ERV3-1: variants seen among roughly 807,000 people sequenced by gnomAD.
The protein encoded by ERV3-1 is endogenous retrovirus group 3 member 1 Env polyprotein.
Under a neutral mutation model 24.6 loss-of-function variants are expected in ERV3-1, and 36 were observed. The observed-to-expected ratio is 1.47, with a 90% CI of 1.12 to 1.94. The LOEUF (loss-of-function observed/expected upper bound fraction) is 1.94. Among genes scored for constraint, ERV3-1 ranks in the 30% most tolerant of loss-of-function variants. ERV3-1 has a pLI of 0.00. For synonymous variants in ERV3-1, 211 were observed against 122.6 expected, an observed-to-expected ratio of 1.72 and a Z score of -4.76; for missense variants, 578 against 330.9, an observed-to-expected ratio of 1.75 and a Z score of -5.79.
chr7:64,997,425 G>C (rs1584065616), intron 1 of ERV3-1, among the ~76,000 whole-genome samples: 1 of 152,182 alleles, frequency 6.6e-6, no homozygotes, highest in Admixed American at 6.5e-5. Context: ...TGTAAAGCTA[G>C]AATGCTTTAC....
intron 1 of ERV3-1, among the ~76,000 whole-genome samples, chr7:65,005,556 T>A (rs747472854): frequency 6.6e-6 from 1 of 152,112 alleles, no homozygotes; most frequent in Non-Finnish European, 1.5e-5. Flanking sequence ...TACACTAAAG[T>A]GTACATTAAA....
chr7:64,998,057 C>G (rs181606901), intron 1 of ERV3-1, among the ~76,000 whole-genome samples: 1 of 152,124 alleles, frequency 6.6e-6, no homozygotes, highest in Non-Finnish European at 1.5e-5. Context: ...CTCAGATTTC[C>G]CCCTTTGAGG....
chr7:64,994,495 C>A (rs1056990579), intron 1 of ERV3-1, among the ~76,000 whole-genome samples: 4 of 152,174 alleles, frequency 2.6e-5, no homozygotes, highest in Admixed American at 2.6e-4. Flanking sequence ...GCTAAGGCTT[C>A]CTTTTTAAAA....
rs187615174 is a variant in ERV3-1, at chr7:64,993,095, A to T, written c.-69T>A. Reference sequence around the variant, plus strand: ...TGACAGCTTAATAGCAAAGTAATTAATATGACAAGGAAAATTACTGGACTT... The same window carrying T: ...TGACAGCTTAATAGCAAAGTAATTATTATGACAAGGAAAATTACTGGACTT... On this transcript the variant is annotated 5_prime_UTR_variant, in exon 2 of 2. Transcript: ENST00000394323. 2.4e-5 allele frequency: 15 copies of T among 628,364 alleles called. No individual in the cohort carries two copies. The highest frequency in any genetic ancestry group is 4.0e-5 in the Non-Finnish European group (14 of 351,530). 38.9% of individuals were successfully genotyped at this position (628,364 alleles called of 1,614,324 possible).
At chr7:64,993,884 T>A (rs1335227480) in intron 1 of ERV3-1, among the ~76,000 whole-genome samples, 1 of 152,222 alleles carries the variant, frequency 6.6e-6, no homozygotes, top group African/African-American at 2.4e-5. Flanking sequence ...ATTTCCATTT[T>A]ATTTTTAACA....
chr7:65,005,428 G>A (rs1162940060), intron 1 of ERV3-1, among the ~76,000 whole-genome samples: 8 of 152,052 alleles, frequency 5.3e-5, no homozygotes, highest in Non-Finnish European at 2.9e-5. Context: ...CAGTGTCAGG[G>A]GATTATTCTT....
At chr7:65,002,479 A>ATGT (rs1226418643) in intron 1 of ERV3-1, among the ~76,000 whole-genome samples, 1 of 145,050 alleles carries the variant, frequency 6.9e-6, no homozygotes, top group African/African-American at 2.5e-5. Context: ...ACATGCAACC[A>ATGT]TGCCTGGCTA....
In ERV3-1 at chr7:64,991,330, C is replaced by T; in HGVS notation, c.1697G>A (p.Gly566Glu). 1 of 706,450 alleles carries T rather than the reference C, an allele frequency of 1.4e-6. No individual in the cohort carries two copies. The highest frequency in any genetic ancestry group is 1.5e-5 in the South Asian group (1 of 67,776). 43.8% of individuals were successfully genotyped at this position (706,450 alleles called of 1,614,324 possible). A position where few individuals can be genotyped will look rare whatever the true frequency, so the allele number is the denominator to read the frequency against. Residue 566 changes from glycine (G) to glutamate (E), a missense_variant, in exon 2 of 2, where the codon GGA (glycine) becomes GAA (glutamate). Physicochemically the swap from Gly to Glu is moderately conservative, Grantham distance 98. Transcript: ENST00000394323. ...YLLAQEEGVC[G>E]KFNLTNCCLE... Reference sequence around the variant, plus strand: ...GCAGCAGTTAGTAAGGTTGAACTTTCCGCATACTCCCTCTTCCTGGGCTAG... The same window carrying T: ...GCAGCAGTTAGTAAGGTTGAACTTTTCGCATACTCCCTCTTCCTGGGCTAG...
intron 1 of ERV3-1, among the ~76,000 whole-genome samples, chr7:65,000,383 T>C (rs1259727931): frequency 7.6e-6 from 1 of 131,644 alleles, no homozygotes; most frequent in African/African-American, 2.9e-5. Context: ...CCACCACGCC[T>C]GGCTAATTTT....
At chr7:64,994,557 C>T (rs1786360233) in intron 1 of ERV3-1, among the ~76,000 whole-genome samples, 1 of 152,178 alleles carries the variant, frequency 6.6e-6, no homozygotes, top group Non-Finnish European at 1.5e-5. Flanking sequence ...CTTTCTGTTT[C>T]CTTTTGCCTC....
At chr7:65,003,253 C>T (rs554213453) in intron 1 of ERV3-1, among the ~76,000 whole-genome samples, 3 of 152,256 alleles carry the variant, frequency 2.0e-5, no homozygotes, top group Non-Finnish European at 4.4e-5. Flanking sequence ...TTTTGGGAGA[C>T]CAAGGATCAC....
chr7:65,006,321 C>A (rs1440163594), intron 1 of ERV3-1: 3 of 713,834 alleles, frequency 4.2e-6, no homozygotes, highest in Non-Finnish European at 7.0e-6. Context: ...AAGGCACAGT[C>A]ACTGCGCAGG....
At position 64,991,005 on chromosome 7, in the gene ERV3-1, C is replaced by A; in HGVS notation, c.*207G>T. 1 of 415,764 alleles carries A rather than the reference C, an allele frequency of 2.4e-6. No individual in the cohort carries two copies. The highest frequency in any genetic ancestry group is 3.5e-5 in the East Asian group (1 of 28,824). 25.8% of individuals were successfully genotyped at this position (415,764 alleles called of 1,614,324 possible). On this transcript the variant is annotated 3_prime_UTR_variant, in exon 2 of 2. Transcript: ENST00000394323. ...CAAGAGGAAGTAGCTCTTTTCTTGGCAGGGGTTAATACTTAGTTAGGGCCA... is the reference window on the plus strand; with the variant it reads ...CAAGAGGAAGTAGCTCTTTTCTTGGAAGGGGTTAATACTTAGTTAGGGCCA...
rs1786269420 is a variant in ERV3-1, at chr7:64,991,676, G to A, written c.1351C>T (p.Leu451=). ...TATCCTAAGGCTTCTCCCTGTTTTA[G>A]GGGCATTAGGAAGAAGGACGGCCTA... ...TIRPSFFLMP[L]KQGEALGYPI... is the part of the protein sequence containing the mutation. Residue 451 remains leucine, a synonymous_variant, in exon 2 of 2, where the codon CTA becomes TTA. Transcript: ENST00000394323. The A allele has an allele frequency of 2.8e-6, 2 of 725,942 alleles. No homozygotes were observed. Among genetic ancestry groups the A allele is most frequent in the Non-Finnish European group, 5.0e-6 (2 of 397,048 alleles). The allele number at this position is 725,942 out of a possible 1,614,324, so 45.0% of individuals were successfully genotyped here.
chr7:64,993,594 A>G (rs1200616345), intron 1 of ERV3-1, among the ~76,000 whole-genome samples, 180 bp from the exon 2 acceptor site: 1 of 152,188 alleles, frequency 6.6e-6, no homozygotes, highest in African/African-American at 2.4e-5. Flanking sequence ...TCACATGGCT[A>G]TCCCTAAAGC....
rs934214951 is a variant in ERV3-1 at position 64,991,604 on chromosome 7, T to C, written c.1423A>G (p.Ile475Val). 1.4e-6 allele frequency: 1 copy of C among 704,194 alleles called. No individual in the cohort carries two copies. The highest frequency in any genetic ancestry group is 2.6e-6 in the Non-Finnish European group (1 of 385,036). 43.6% of individuals were successfully genotyped at this position (704,194 alleles called of 1,614,324 possible). ...CATTCATTGTCCTTCCAATCTCCTA[T>C]AGTTATGCCTCTTTTGCTTTTCCTT... is the stretch of plus-strand genomic sequence containing the variant. ...TKRKSKRGIT[I>V]GDWKDNEWPP... Residue 475 changes from isoleucine to valine, a missense_variant, in exon 2 of 2, where the codon ATA (isoleucine) becomes GTA (valine). Coordinates refer to ENST00000394323, the MANE Select transcript of ERV3-1 (RefSeq NM_001007253.4).
rs758711349 is a variant in ERV3-1, at chr7:64,992,350, C to T, written c.677G>A (p.Gly226Asp). The T allele has an allele frequency of 2.6e-6, 2 of 766,410 alleles. No homozygotes were observed. Among genetic ancestry groups the T allele is most frequent in the South Asian group, 1.3e-5 (1 of 74,626 alleles). 47.5% of individuals were successfully genotyped at this position (766,410 alleles called of 1,614,324 possible). The change falls in exon 2 of 2, where the codon GGT (glycine) becomes GAT (aspartate). Residue 226 changes from glycine (G) to aspartate (D), a missense_variant. Gly to Asp is a moderately conservative substitution (Grantham distance 94, BLOSUM62 -1). Transcript: ENST00000394323. ...ATAGGCTCCTGGGCCAATTTCTTCACCGCTGACTCGTGCCCCTAGCGGTGC... is the reference window on the plus strand; with the variant it reads ...ATAGGCTCCTGGGCCAATTTCTTCATCGCTGACTCGTGCCCCTAGCGGTGC... ...LKAPLGARVS[G>D]EEIGPGAYVY...
At position 64,992,371 on chromosome 7, in the gene ERV3-1, G is replaced by A. The variant is rs367626165; in HGVS notation, c.656C>T (p.Pro219Leu). Residue 219 changes from proline (P) to leucine (L), a missense_variant, in exon 2 of 2, where the codon CCG (proline) becomes CTG (leucine). By Grantham distance (98) the Pro-to-Leu change is moderately conservative. Coordinates refer to ENST00000394323, the MANE Select transcript of ERV3-1 (RefSeq NM_001007253.4). The part of the protein sequence containing the change: ...QPIWTTGLKA[P>L]LGARVSGEEI... ...TTCACCGCTGACTCGTGCCCCTAGC[G>A]GTGCTTTTAAACCTGTTGTCCATAT... The A allele has an allele frequency of 7.2e-5, 55 of 766,362 alleles. No homozygotes were observed. The highest frequency in any genetic ancestry group is 1.0e-4 in the Non-Finnish European group (43 of 417,892). 47.5% of individuals were successfully genotyped at this position (766,362 alleles called of 1,614,324 possible). A position where few individuals can be genotyped will look rare whatever the true frequency, so the allele number is the denominator to read the frequency against.
intron 1 of ERV3-1, chr7:65,003,799 C>T (rs1233627002): frequency 6.6e-6 from 1 of 152,114 alleles, no homozygotes; most frequent in Non-Finnish European, 1.5e-5. Context: ...CAAGTTTCCT[C>T]TCATAAAATT....
Sources: gnomAD v4.1 joint callset for allele counts (sites outside exome capture counted in the v4.1 genomes callset) on GRCh38, gnomAD v4.1.1 for gene constraint, MANE v1.5 for transcripts, NCBI Gene and HGNC (gene_info 2026-07-23, HGNC 2026-07-21) for gene names.